Variants in DNAH11 observed in about 807,000 individuals in gnomAD.
DNAH11 encodes the protein axonemal beta dynein heavy chain 11.
DNAH11 carries 442 observed loss-of-function variants against 526.0 expected under a neutral mutation model. The observed-to-expected ratio is 0.84, with a 90% CI of 0.78 to 0.91. The LOEUF (loss-of-function observed/expected upper bound fraction) is 0.91. Ranked by LOEUF, DNAH11 falls within the 40% of genes least tolerant of loss-of-function variation. DNAH11 has a pLI of 0.00. For synonymous variants in DNAH11, 2,461 were observed against 1,935.9 expected (o/e 1.27, Z -7.12); for missense variants, 6,989 against 5,448.7 (o/e 1.28, Z -8.90).
At chr7:21,614,103 C>T (rs564526559) in intron 20 of DNAH11, among the ~76,000 whole-genome samples, 16 of 152,036 alleles carry the variant, frequency 1.1e-4, no homozygotes, top group African/African-American at 3.1e-4. Flanking sequence ...TCATGTTGTA[C>T]GTGATAAATA....
At position 21,760,320 on chromosome 7, in the gene DNAH11, C is replaced by T. The variant is rs186412532; in HGVS notation, c.8941-5108C>T. 8.5e-5 allele frequency among the ~76,000 whole-genome samples: 13 copies of T among 152,310 alleles called. No individual in the cohort carries two copies. In the East Asian group the frequency reaches 2.3e-3, roughly 27 times the overall value. On this transcript the variant is annotated intron_variant, in intron 54 of 81. Transcript: ENST00000409508. Reference sequence around the variant, plus strand: ...AAGGAGACGCACACACCAAGCCTTACAACCTGCTCTATAGATGAGTTTAGT... The same window carrying T: ...AAGGAGACGCACACACCAAGCCTTATAACCTGCTCTATAGATGAGTTTAGT...
At chr7:21,575,912 T>C (rs967186728) in intron 8 of DNAH11, among the ~76,000 whole-genome samples, 1 of 152,238 alleles carries the variant, frequency 6.6e-6, no homozygotes, top group Non-Finnish European at 1.5e-5. Context: ...TTCCATCAGA[T>C]TTATATACTA....
intron 2 of DNAH11, among the ~76,000 whole-genome samples, chr7:21,552,982 C>T (rs7786158): frequency 0.017 from 2,522 of 151,304 alleles, 66 homozygotes; most frequent in African/African-American, 0.057. Context: ...GAGTGTTGTA[C>T]GGGTGACATG....
chr7:21,901,070 C>A lies in DNAH11; in HGVS notation c.13367C>A (p.Pro4456His). ...GCCCGTCTCAAGGAGCTGGCATGCC[C>A]TATGCCGGTCATCTTTGCAAAAGCC... is the stretch of plus-strand genomic sequence containing the variant. ...VEARLKELAC[P>H]MPVIFAKATP... is the part of the protein sequence containing the mutation. The change falls in exon 82 of 82, where the codon CCT (proline) becomes CAT (histidine). Residue 4456 changes from proline to histidine, a missense_variant. Transcript: ENST00000409508. 6.2e-7 allele frequency: 1 copy of A among 1,613,916 alleles called. No homozygotes were observed. The highest frequency in any genetic ancestry group is 2.2e-5 in the East Asian group (1 of 44,872).
intron 21 of DNAH11, among the ~76,000 whole-genome samples, chr7:21,615,979 A>G (rs1785759161): frequency 6.6e-6 from 1 of 152,210 alleles, no homozygotes. Flanking sequence ...GGAATTTATC[A>G]TCGCTACTAG....
chr7:21,568,569 T>C (rs1402859825), intron 6 of DNAH11, among the ~76,000 whole-genome samples: 1 of 152,110 alleles, frequency 6.6e-6, no homozygotes, highest in Non-Finnish European at 1.5e-5. Flanking sequence ...AGTGTTTTCA[T>C]TTAGGACATT....
chr7:21,592,959 A>G (rs1410675424), intron 14 of DNAH11, among the ~76,000 whole-genome samples: 2 of 152,186 alleles, frequency 1.3e-5, no homozygotes, highest in African/African-American at 2.4e-5. Context: ...GTAGACTAGA[A>G]TTGCAAATGT....
intron 5 of DNAH11, among the ~76,000 whole-genome samples, chr7:21,562,099 A>T (rs1024341889): frequency 6.6e-6 from 1 of 152,202 alleles, no homozygotes; most frequent in Non-Finnish European, 1.5e-5. Flanking sequence ...TAAATTTGCT[A>T]AGCCTCTGGT....
chr7:21,653,349 T>G (rs1054459501), intron 28 of DNAH11, among the ~76,000 whole-genome samples: 4 of 152,194 alleles, frequency 2.6e-5, no homozygotes, highest in Non-Finnish European at 4.4e-5. Flanking sequence ...TCAGAAAGTT[T>G]AAATAGAAGA....
At chr7:21,898,637 C>T (rs1401728173) in intron 79 of DNAH11, among the ~76,000 whole-genome samples, 1 of 152,132 alleles carries the variant, frequency 6.6e-6, no homozygotes, top group South Asian at 2.1e-4. Flanking sequence ...TTAATTTTAT[C>T]GAAGAGGTTC....
intron 57 of DNAH11, among the ~76,000 whole-genome samples, chr7:21,783,924 A>G (rs1381371787): frequency 6.6e-6 from 1 of 152,236 alleles, no homozygotes; most frequent in South Asian, 2.1e-4. Flanking sequence ...CCATGACCAC[A>G]GAATAGAATA....
At chr7:21,849,297 C>T (rs1444639952) in intron 66 of DNAH11, among the ~76,000 whole-genome samples, 1 of 152,168 alleles carries the variant, frequency 6.6e-6, no homozygotes, top group Non-Finnish European at 1.5e-5. Context: ...TCATTCATTT[C>T]GTTTATCCAT....
Position 21,564,179 on chromosome 7 carries a change from C to T in DNAH11, c.983-7C>T. ...GAATCACGTTAATGGTGGTTCTTTG[C>T]TTTCAGCTCTTCTCGAAGCCCAAGA... On this transcript the variant is annotated splice_region_variant and splice_polypyrimidine_tract_variant and intron_variant, in intron 5 of 81. Transcript: ENST00000409508. 1.3e-6 allele frequency: 2 copies of T among 1,548,546 alleles called. No homozygotes were observed. The highest frequency in any genetic ancestry group is 1.7e-6 in the Non-Finnish European group (2 of 1,149,804).
chr7:21,665,141 C>T (rs1349415445), intron 30 of DNAH11, among the ~76,000 whole-genome samples: 2 of 151,954 alleles, frequency 1.3e-5, no homozygotes, highest in Non-Finnish European at 1.5e-5. Flanking sequence ...CTTTCACTCC[C>T]TCTCTCTCAC....
intron 35 of DNAH11, 72 bp from the exon 36 acceptor site, chr7:21,698,003 C>G: frequency 6.8e-7 from 1 of 1,469,732 alleles, no homozygotes; most frequent in Non-Finnish European, 9.2e-7. Flanking sequence ...TACGAAATAA[C>G]CACTTGATTT....
At chr7:21,573,036 G>A (rs935287287) in intron 8 of DNAH11, among the ~76,000 whole-genome samples, 2 of 152,152 alleles carry the variant, frequency 1.3e-5, no homozygotes, top group African/African-American at 4.8e-5. Flanking sequence ...GACTGAGCCT[G>A]CACAAGATCC....
chr7:21,857,637 T>G (rs1782904149), intron 68 of DNAH11, among the ~76,000 whole-genome samples: 1 of 152,058 alleles, frequency 6.6e-6, no homozygotes, highest in Non-Finnish European at 1.5e-5. Flanking sequence ...AATGCATAGA[T>G]CTGTGGAACA....
chr7:21,840,617 T>A (rs1478402782), intron 65 of DNAH11, among the ~76,000 whole-genome samples: 7 of 152,146 alleles, frequency 4.6e-5, no homozygotes, highest in Non-Finnish European at 8.8e-5. Context: ...GCTCCCCCTT[T>A]ACTAGATCCT....
intron 62 of DNAH11, among the ~76,000 whole-genome samples, chr7:21,802,430 CAT>C (rs1789035197): frequency 1.3e-5 from 2 of 152,080 alleles, no homozygotes; most frequent in Admixed American, 1.3e-4. Context: ...AAACGTTAAA[CAT>C]AAAGTTACCA....
Sources: allele counts gnomAD v4.1 joint callset (sites outside exome capture counted in the v4.1 genomes callset), GRCh38; gene constraint gnomAD v4.1.1; transcripts MANE v1.5; gene names NCBI Gene and HGNC (gene_info 2026-07-23, HGNC 2026-07-21).